STK32A: variants seen among roughly 807,000 people sequenced by gnomAD.
STK32A encodes serine/threonine-protein kinase 32A.
A neutral mutation model predicts 53.2 loss-of-function variants in STK32A; 41 were observed. The ratio of observed to expected loss-of-function variants is 0.77; its 90% CI spans 0.60 to 1.00. The LOEUF is 1.00. Ranked by LOEUF, STK32A falls within the 50% of genes least tolerant of loss-of-function variation. The pLI, the probability that STK32A is intolerant of heterozygous loss-of-function variation, is 0.00. For synonymous variants in STK32A, 166 were observed against 162.8 expected (o/e 1.02, Z -0.15); for missense variants, 458 against 485.8 (o/e 0.94, Z 0.54).
At chr5:147,331,159 G>A (rs1225723885) in intron 5 of STK32A, among the ~76,000 whole-genome samples, 1 of 152,120 alleles carries the variant, frequency 6.6e-6, no homozygotes, top group Non-Finnish European at 1.5e-5. Flanking sequence ...TGAGTCATCT[G>A]GAAAGATGTT....
intron 4 of STK32A, among the ~76,000 whole-genome samples, chr5:147,306,196 G>A (rs1005232054): frequency 3.3e-5 from 5 of 151,748 alleles, no homozygotes; most frequent in African/African-American, 1.2e-4. Flanking sequence ...GCATTTTTCT[G>A]GTGACTTATG....
At chr5:147,277,852 C>T (rs561570481) in intron 2 of STK32A, among the ~76,000 whole-genome samples, 10 of 152,158 alleles carry the variant, frequency 6.6e-5, no homozygotes, top group Admixed American at 1.3e-4. Context: ...TAAGAGTCTC[C>T]GTCTTTACAG....
At chr5:147,288,025 C>T (rs1237816208) in intron 4 of STK32A, among the ~76,000 whole-genome samples, 2 of 152,062 alleles carry the variant, frequency 1.3e-5, no homozygotes, top group African/African-American at 4.8e-5. Context: ...TTGCTGTTTG[C>T]TAATTTGGTG....
At chr5:147,292,811 A>T (rs905454739) in intron 4 of STK32A, among the ~76,000 whole-genome samples, 1 of 152,132 alleles carries the variant, frequency 6.6e-6, no homozygotes, top group Admixed American at 6.5e-5. Flanking sequence ...TGTTGAGCTG[A>T]GATCACATCA....
intron 7 of STK32A, among the ~76,000 whole-genome samples, chr5:147,357,490 A>G (rs751859686): frequency 2.0e-5 from 3 of 152,016 alleles, no homozygotes; most frequent in Non-Finnish European, 4.4e-5. Flanking sequence ...TGCCTTTTAT[A>G]TATTTGGAAT....
chr5:147,237,459 A>G (rs561822850), intron 1 of STK32A, among the ~76,000 whole-genome samples: 2 of 152,184 alleles, frequency 1.3e-5, no homozygotes, highest in Non-Finnish European at 2.9e-5. Flanking sequence ...CTAACTCACA[A>G]TAAAACACTC....
At chr5:147,261,882 C>A (rs1194312824) in intron 2 of STK32A, among the ~76,000 whole-genome samples, 1 of 139,034 alleles carries the variant, frequency 7.2e-6, no homozygotes, top group Non-Finnish European at 1.6e-5. Context: ...TCCATGCTAT[C>A]CCCCCCAAGC....
chr5:147,288,480 A>G (rs1017760496), intron 4 of STK32A, among the ~76,000 whole-genome samples: 1 of 152,184 alleles, frequency 6.6e-6, no homozygotes, highest in Non-Finnish European at 1.5e-5. Flanking sequence ...TAATTTTTAA[A>G]GAAAAGAAGT....
chr5:147,322,902 G>A lies in STK32A; in HGVS notation c.261-996G>A, dbSNP rs554093678. ...AGTGACTGGGGGTCACTGCAGATGC[G>A]TGCACAGGGTCCTGTTATGGGATCC... On this transcript the variant is annotated intron_variant, in intron 4 of 12. Transcript: ENST00000397936. Among the ~76,000 whole-genome samples, 22 of 152,250 alleles carry A rather than the reference G, an allele frequency of 1.4e-4. No individual in the cohort carries two copies. In the East Asian group the frequency reaches 3.1e-3, roughly 21 times the overall value.
intron 2 of STK32A, among the ~76,000 whole-genome samples, chr5:147,253,993 C>A (rs1754114105): frequency 6.6e-6 from 1 of 152,120 alleles, no homozygotes; most frequent in South Asian, 2.1e-4. Context: ...AAGTAGATAT[C>A]ATGGAATTCT....
At chr5:147,400,934 T>C in the STK32A span, 3 of 1,453,086 alleles carry the variant, frequency 2.1e-6, no homozygotes, top group Non-Finnish European at 1.8e-6. Context: ...ACTCTGACTA[T>C]TTGGGTTTGG....
chr5:147,290,241 T>G (rs1461106313), intron 4 of STK32A, among the ~76,000 whole-genome samples: 1 of 152,048 alleles, frequency 6.6e-6, no homozygotes, highest in Admixed American at 6.6e-5. Context: ...TGGGTATGTA[T>G]GTGTTGGGGT....
At chr5:147,343,580 C>T (rs952593582) in intron 6 of STK32A, among the ~76,000 whole-genome samples, 1 of 152,128 alleles carries the variant, frequency 6.6e-6, no homozygotes, top group Admixed American at 6.6e-5. Context: ...TAAAGACTGA[C>T]CTAATACATG....
intron 2 of STK32A, among the ~76,000 whole-genome samples, chr5:147,262,691 A>C (rs1754637139): frequency 6.6e-6 from 1 of 152,190 alleles, no homozygotes; most frequent in Non-Finnish European, 1.5e-5. Flanking sequence ...CTAATATGAC[A>C]GGTAGGGATT....
chr5:147,379,300 CT>C (rs1354714973), intron 11 of STK32A, among the ~76,000 whole-genome samples: 5 of 151,756 alleles, frequency 3.3e-5, no homozygotes, highest in Admixed American at 6.6e-5. Context: ...ATTTTAAAAA[CT>C]TACTTCAGGT....
chr5:147,359,188 G>A (rs912090659), intron 7 of STK32A, among the ~76,000 whole-genome samples: 1 of 152,162 alleles, frequency 6.6e-6, no homozygotes, highest in Non-Finnish European at 1.5e-5. Context: ...TTCTGGAAGG[G>A]TTGGTGAAAG....
At position 147,266,440 on chromosome 5, in the gene STK32A, A is replaced by G. The variant is rs191102670; in HGVS notation, c.53-11684A>G. On this transcript the variant is annotated intron_variant, in intron 2 of 12. Coordinates refer to ENST00000397936, the MANE Select transcript of STK32A (RefSeq NM_001112724.2). Reference sequence around the variant, plus strand: ...GTTGGTAAGACTTTTCTTAGAAGGTACATATTATAAATGATGATGTGCTAA... The same window carrying G: ...GTTGGTAAGACTTTTCTTAGAAGGTGCATATTATAAATGATGATGTGCTAA... 2.6e-5 allele frequency among the ~76,000 whole-genome samples: 4 copies of G among 152,346 alleles called. No individual in the cohort carries two copies. In the East Asian group the frequency reaches 7.7e-4, roughly 29 times the overall value.
chr5:147,342,758 C>A (rs1268283776), intron 5 of STK32A: 3 of 474,436 alleles, frequency 6.3e-6, no homozygotes, highest in Non-Finnish European at 1.1e-5. Context: ...ATGAGAGAGG[C>A]CTTGGTTCAG....
intron 5 of STK32A, among the ~76,000 whole-genome samples, chr5:147,335,101 A>G (rs1471536381): frequency 6.6e-6 from 1 of 152,220 alleles, no homozygotes; most frequent in Non-Finnish European, 1.5e-5. Context: ...ATTGTACCGT[A>G]CTTACCTATT....
Sources: gnomAD v4.1 joint callset for allele counts (sites outside exome capture counted in the v4.1 genomes callset) on GRCh38, gnomAD v4.1.1 for gene constraint, MANE v1.5 for transcripts, NCBI Gene and HGNC (gene_info 2026-07-23, HGNC 2026-07-21) for gene names.